Variants in RGL1 observed in about 807,000 individuals in gnomAD.
The protein encoded by RGL1 is ral guanine nucleotide dissociation stimulator-like 1.
A neutral mutation model predicts 95.2 loss-of-function variants in RGL1; 24 were observed. The ratio of observed to expected loss-of-function variants is 0.25; its 90% CI spans 0.18 to 0.35. The LOEUF (loss-of-function observed/expected upper bound fraction) is 0.35. Among genes scored for constraint, RGL1 ranks in the 10% least tolerant of loss-of-function variants. RGL1 has a pLI of 1.00. For synonymous variants in RGL1, 329 were observed against 344.9 expected (o/e 0.95, Z 0.51); for missense variants, 715 against 936.3 (o/e 0.76, Z 3.08).
At chr1:183,828,028 GC>G (rs543138296) in intron 2 of RGL1, among the ~76,000 whole-genome samples, 1 of 152,162 alleles carries the variant, frequency 6.6e-6, no homozygotes, top group Non-Finnish European at 1.5e-5. Context: ...CAAATAAATA[GC>G]TAGTGATTAT....
chr1:183,844,201 A>T (rs1038120959), intron 2 of RGL1, among the ~76,000 whole-genome samples: 1 of 152,224 alleles, frequency 6.6e-6, no homozygotes, highest in East Asian at 1.9e-4. Flanking sequence ...TTTTGAAGTG[A>T]CAAGGTACAA....
intron 2 of RGL1, among the ~76,000 whole-genome samples, chr1:183,774,506 T>C (rs1382438543): frequency 6.6e-6 from 1 of 152,082 alleles, no homozygotes. Flanking sequence ...ACAGTTCTTA[T>C]GGATAAACAT....
At chr1:183,897,446 G>A (rs1341822724) in intron 9 of RGL1, among the ~76,000 whole-genome samples, 1 of 152,192 alleles carries the variant, frequency 6.6e-6, no homozygotes, top group Non-Finnish European at 1.5e-5. Context: ...CTACTCGGGA[G>A]GCTGAGGCAG....
intron 9 of RGL1, among the ~76,000 whole-genome samples, chr1:183,893,386 G>C (rs774206686): frequency 2.6e-5 from 4 of 152,156 alleles, no homozygotes; most frequent in Non-Finnish European, 5.9e-5. Flanking sequence ...ATTCACTATG[G>C]TAAAATACTT....
intron 2 of RGL1, among the ~76,000 whole-genome samples, chr1:183,749,637 T>TG (rs1246688240): frequency 6.6e-6 from 1 of 152,222 alleles, no homozygotes; most frequent in Non-Finnish European, 1.5e-5. Flanking sequence ...CGTTAGTTGA[T>TG]GCGGTTTCTC....
chr1:183,662,064 G>C (rs1206444398), intron 1 of RGL1, among the ~76,000 whole-genome samples: 2 of 149,930 alleles, frequency 1.3e-5, no homozygotes, highest in Admixed American at 1.3e-4. Flanking sequence ...CATATTTCAA[G>C]ATAATAAGAG....
chr1:183,753,010 A>G (rs957662511), intron 2 of RGL1, among the ~76,000 whole-genome samples: 10 of 152,146 alleles, frequency 6.6e-5, no homozygotes, highest in African/African-American at 2.2e-4. Flanking sequence ...GGCTTCTCAA[A>G]TAGATGAATT....
At chr1:183,752,674 T>TC in intron 2 of RGL1, among the ~76,000 whole-genome samples, 2 of 31,318 alleles carry the variant, frequency 6.4e-5, no homozygotes, top group South Asian at 1.3e-3. Flanking sequence ...CTTTCTCTCT[T>TC]TCTCTCTCTC....
At chr1:183,830,426 G>A (rs768905965) in intron 2 of RGL1, among the ~76,000 whole-genome samples, 26 of 152,148 alleles carry the variant, frequency 1.7e-4, no homozygotes, top group Non-Finnish European at 3.4e-4. Context: ...TAAATTTCTT[G>A]CAATGTATTT....
At chr1:183,898,801 G>A (rs892946093) in intron 10 of RGL1, among the ~76,000 whole-genome samples, 9 of 152,210 alleles carry the variant, frequency 5.9e-5, no homozygotes, top group African/African-American at 2.2e-4. Context: ...GTGAGTTCCT[G>A]AAGGACAAAA....
intron 1 of RGL1, among the ~76,000 whole-genome samples, chr1:183,644,018 T>G (rs1309630036): frequency 6.6e-6 from 1 of 152,124 alleles, no homozygotes; most frequent in Admixed American, 6.6e-5. Flanking sequence ...ACTAAAGTTT[T>G]CCACCCTAGC....
intron 2 of RGL1, among the ~76,000 whole-genome samples, chr1:183,781,937 A>T (rs1304895072): frequency 6.6e-6 from 1 of 152,264 alleles, no homozygotes; most frequent in Non-Finnish European, 1.5e-5. Context: ...AATAGATAGA[A>T]AAATAATATT....
chr1:183,732,526 C>T (rs527542908), intron 1 of RGL1, among the ~76,000 whole-genome samples: 6 of 152,242 alleles, frequency 3.9e-5, no homozygotes, highest in South Asian at 2.1e-4. Flanking sequence ...ACTTGGCTAT[C>T]GAATACTGTA....
At chr1:183,845,812 A>G (rs1318323122) in intron 2 of RGL1, among the ~76,000 whole-genome samples, 9 of 152,210 alleles carry the variant, frequency 5.9e-5, no homozygotes, top group African/African-American at 1.2e-4. Flanking sequence ...CATGATTTCA[A>G]CTGGCTCACA....
intron 1 of RGL1, among the ~76,000 whole-genome samples, chr1:183,639,866 CAG>C (rs1436027207): frequency 4.0e-5 from 6 of 150,358 alleles, no homozygotes; most frequent in East Asian, 1.9e-4. Flanking sequence ...TTTTTTGAGA[CAG>C]AGTCTCACTC....
chr1:183,721,633 T>C (rs558902581), intron 1 of RGL1, among the ~76,000 whole-genome samples: 1 of 152,248 alleles, frequency 6.6e-6, no homozygotes, highest in Non-Finnish European at 1.5e-5. Context: ...CCTGCTATTA[T>C]ACAAATGCGC....
intron 2 of RGL1, among the ~76,000 whole-genome samples, chr1:183,843,355 T>C (rs149122521): frequency 3.3e-5 from 5 of 152,370 alleles, no homozygotes; most frequent in East Asian, 3.9e-4. Flanking sequence ...GAACAAATAC[T>C]GTTAAAGGGA....
intron 1 of RGL1, among the ~76,000 whole-genome samples, chr1:183,677,645 C>A (rs1017431947): frequency 4.6e-5 from 7 of 152,018 alleles, no homozygotes; most frequent in African/African-American, 1.7e-4. Context: ...TATATAAAGC[C>A]CTGTGGAAGT....
At chr1:183,866,820 A>G (rs1665867926) in intron 4 of RGL1, among the ~76,000 whole-genome samples, 1 of 152,156 alleles carries the variant, frequency 6.6e-6, no homozygotes, top group African/African-American at 2.4e-5. Context: ...CAAGGGTGGG[A>G]GCAGGGAGCC....
Sources: gnomAD v4.1 joint callset for allele counts (sites outside exome capture counted in the v4.1 genomes callset) on GRCh38, gnomAD v4.1.1 for gene constraint, MANE v1.5 for transcripts, NCBI Gene and HGNC (gene_info 2026-07-23, HGNC 2026-07-21) for gene names.